The following CADM1 variants were observed in gnomAD, a reference collection of about 807,000 sequenced individuals.
The protein encoded by CADM1 is TSLC-1.
In CADM1, 15 loss-of-function variants were observed where a neutral mutation model predicts 53.1. The ratio of observed to expected loss-of-function variants is 0.28; its 90% CI spans 0.19 to 0.44. CADM1 has a LOEUF of 0.44. Among genes scored for constraint, CADM1 ranks in the 20% least tolerant of loss-of-function variants. The probability of loss-of-function intolerance (pLI) is 1.00; values close to 1 mark genes in which losing one functional copy is unlikely to be tolerated. For missense variants in CADM1, 434 were observed against 611.3 expected (o/e 0.71, Z 3.06); for synonymous variants, 281 against 243.0 (o/e 1.16, Z -1.45).
intron 1 of CADM1, among the ~76,000 whole-genome samples, chr11:115,313,586 G>C (rs955208084): frequency 6.6e-6 from 1 of 152,160 alleles, no homozygotes; most frequent in Non-Finnish European, 1.5e-5. Context: ...TAAGGTCCAA[G>C]AGACTGCTAA....
At chr11:115,453,671 G>A (rs1251633166) in intron 1 of CADM1, among the ~76,000 whole-genome samples, 2 of 152,000 alleles carry the variant, frequency 1.3e-5, no homozygotes, top group African/African-American at 4.8e-5. Flanking sequence ...GCTAATTTTT[G>A]TATTTTTAGT....
intron 1 of CADM1, among the ~76,000 whole-genome samples, chr11:115,432,691 G>A (rs1948086685): frequency 6.6e-6 from 1 of 152,164 alleles, no homozygotes; most frequent in African/African-American, 2.4e-5. Context: ...TATGAGAAGG[G>A]ATTTATTGAA....
In CADM1 at chr11:115,248,175, C is replaced by A. The variant is rs190189876; in HGVS notation, c.125-7755G>T. The stretch of plus-strand genomic sequence containing the variant: ...TGAAGAACGGAGGTCAAGCACAGTC[C>A]AACTTCTATTTACATACAGGATGGG... On this transcript the variant is annotated intron_variant, in intron 1 of 11. Transcript: ENST00000331581. 3.3e-3 allele frequency among the ~76,000 whole-genome samples: 496 copies of A among 152,272 alleles called. 2 individuals carry two copies. Among genetic ancestry groups the A allele is most frequent in the African/African-American group, 0.011 (472 of 41,546 alleles).
intron 1 of CADM1, among the ~76,000 whole-genome samples, chr11:115,410,607 C>G (rs1368389408): frequency 6.6e-6 from 1 of 151,884 alleles, no homozygotes; most frequent in Non-Finnish European, 1.5e-5. Flanking sequence ...ACATGACATA[C>G]AGATGACGGC....
intron 1 of CADM1, among the ~76,000 whole-genome samples, chr11:115,473,182 G>A (rs950722811): frequency 6.6e-6 from 1 of 152,168 alleles, no homozygotes; most frequent in Non-Finnish European, 1.5e-5. Flanking sequence ...AAGCAGGCCG[G>A]GCATGATGGC....
chr11:115,326,801 C>T (rs1331365540), intron 1 of CADM1, among the ~76,000 whole-genome samples: 1 of 152,152 alleles, frequency 6.6e-6, no homozygotes, highest in African/African-American at 2.4e-5. Flanking sequence ...TTTCAGTGAA[C>T]AAACGACTGC....
At chr11:115,224,896 A>G (rs1941545421) in intron 5 of CADM1, among the ~76,000 whole-genome samples, 1 of 152,140 alleles carries the variant, frequency 6.6e-6, no homozygotes, top group Admixed American at 6.6e-5. Flanking sequence ...ATAATCAACC[A>G]TGTTGTAAAT....
intron 1 of CADM1, among the ~76,000 whole-genome samples, chr11:115,495,352 AC>A (rs1418103346): frequency 2.6e-5 from 4 of 152,296 alleles, no homozygotes; most frequent in African/African-American, 9.6e-5. Flanking sequence ...GTCCCAAAAT[AC>A]TTCAAGATAA....
chr11:115,463,162 C>T (rs1298877866), intron 1 of CADM1, among the ~76,000 whole-genome samples: 1 of 152,124 alleles, frequency 6.6e-6, no homozygotes. Flanking sequence ...GACTCACCAA[C>T]CTCCTGAAGG....
At chr11:115,340,658 A>ATTTTTT (rs869273547) in intron 1 of CADM1, among the ~76,000 whole-genome samples, 25 of 34,936 alleles carry the variant, frequency 7.2e-4, no homozygotes, top group Admixed American at 2.2e-3. Context: ...ATATATATAT[A>ATTTTTT]TTTTTTTTTT....
chr11:115,377,027 A>T (rs1946456081), intron 1 of CADM1, among the ~76,000 whole-genome samples: 1 of 152,214 alleles, frequency 6.6e-6, no homozygotes, highest in African/African-American at 2.4e-5. Flanking sequence ...GTCATGCGCC[A>T]TGACTAAAGA....
chr11:115,202,608 G>T (rs1442795340), intron 8 of CADM1, among the ~76,000 whole-genome samples: 1 of 151,994 alleles, frequency 6.6e-6, no homozygotes, highest in East Asian at 1.9e-4. Flanking sequence ...TCTCATTTTT[G>T]ATTGTCATAA....
chr11:115,457,883 CAAT>C (rs1948712932), intron 1 of CADM1, among the ~76,000 whole-genome samples: 1 of 152,006 alleles, frequency 6.6e-6, no homozygotes, highest in Non-Finnish European at 1.5e-5. Flanking sequence ...CTGCAAAGCC[CAAT>C]GTGGACAGTA....
Position 115,451,289 on chromosome 11 carries a change from C to T in CADM1, c.124+52982G>A, listed in dbSNP as rs373207816. 5.3e-5 allele frequency among the ~76,000 whole-genome samples: 8 copies of T among 152,274 alleles called. No individual in the cohort carries two copies. The East Asian group carries it at 7.7e-4, about 15-fold the overall frequency. Reference sequence around the variant, plus strand: ...CCTAACAGCCACTTATTTTATATTACGATTGTTCCACTATGGAAAGGGCTG... The same window carrying T: ...CCTAACAGCCACTTATTTTATATTATGATTGTTCCACTATGGAAAGGGCTG... On this transcript the variant is annotated intron_variant, in intron 1 of 11. Coordinates refer to ENST00000331581, the MANE Select transcript of CADM1 (RefSeq NM_001301043.2).
intron 1 of CADM1, among the ~76,000 whole-genome samples, chr11:115,267,072 C>G (rs1331721460): frequency 6.6e-6 from 1 of 152,218 alleles, no homozygotes; most frequent in Non-Finnish European, 1.5e-5. Flanking sequence ...TGATAAAACA[C>G]TGTTACTGTC....
chr11:115,275,499 T>C (rs1177941429), intron 1 of CADM1, among the ~76,000 whole-genome samples: 1 of 152,196 alleles, frequency 6.6e-6, no homozygotes, highest in Admixed American at 6.5e-5. Context: ...TCAATTCCAT[T>C]TGTATGGCAT....
intron 9 of CADM1, among the ~76,000 whole-genome samples, chr11:115,193,224 A>G (rs1051953260): frequency 1.3e-5 from 2 of 152,234 alleles, no homozygotes; most frequent in Non-Finnish European, 2.9e-5. Context: ...TCTAACAATA[A>G]GTGGGAAATT....
chr11:115,355,699 A>C (rs982961542), intron 1 of CADM1, among the ~76,000 whole-genome samples: 3 of 122,224 alleles, frequency 2.5e-5, no homozygotes, highest in Non-Finnish European at 5.0e-5. Flanking sequence ...GCTCAAGTTT[A>C]AATTACTAAC....
At position 115,250,006 on chromosome 11, in the gene CADM1, A is replaced by G. The variant is rs1039696206; in HGVS notation, c.125-9586T>C. On this transcript the variant is annotated intron_variant, in intron 1 of 11. Coordinates refer to ENST00000331581, the MANE Select transcript of CADM1 (RefSeq NM_001301043.2). Reference sequence around the variant, plus strand: ...TGCAAGCTCCGCCTCCCGGGTTCACACCATTCTCCTGCCTCAGCCTCCCAA... The same window carrying G: ...TGCAAGCTCCGCCTCCCGGGTTCACGCCATTCTCCTGCCTCAGCCTCCCAA... Among the ~76,000 whole-genome samples, 35 of 152,110 alleles carry G rather than the reference A, an allele frequency of 2.3e-4. No homozygotes were observed. In the South Asian group the frequency reaches 2.7e-3, roughly 12 times the overall value.
Sources: gnomAD v4.1 joint callset for allele counts (sites outside exome capture counted in the v4.1 genomes callset) on GRCh38, gnomAD v4.1.1 for gene constraint, MANE v1.5 for transcripts, NCBI Gene and HGNC (gene_info 2026-07-23, HGNC 2026-07-21) for gene names.